COL23A1: variants seen among roughly 807,000 people sequenced by gnomAD.
COL23A1 encodes the protein collagen type XXIII alpha 1 chain.
In COL23A1, 97 loss-of-function variants were observed where a neutral mutation model predicts 99.3. The observed-to-expected ratio is 0.98, with a 90% CI of 0.83 to 1.16. The LOEUF (loss-of-function observed/expected upper bound fraction) is 1.16. Ranked by LOEUF, COL23A1 falls within the 50% of genes most tolerant of loss-of-function variation. The pLI is 0.00. For synonymous variants in COL23A1, 320 were observed against 308.2 expected (o/e 1.04, Z -0.40); for missense variants, 762 against 757.4 (o/e 1.01, Z -0.07).
In COL23A1 at chr5:178,415,623, C is replaced by T. The variant is rs1480370184; in HGVS notation, c.362-108704G>A. 2.6e-5 allele frequency among the ~76,000 whole-genome samples: 4 copies of T among 152,182 alleles called. No homozygotes were observed. Among genetic ancestry groups the T allele is most frequent in the African/African-American group, 7.2e-5 (3 of 41,444 alleles). ...CCAGAGGACAGTGCTGCCCCCATCCCGCCCTGGCTCCATGAGGGCAAGGGG... is the reference window on the plus strand; with the variant it reads ...CCAGAGGACAGTGCTGCCCCCATCCTGCCCTGGCTCCATGAGGGCAAGGGG... On this transcript the variant is annotated intron_variant, in intron 2 of 28. Transcript: ENST00000390654. The surrounding 1 kb of genome is among the most constrained non-coding windows in gnomAD (Gnocchi z 4.6).
At chr5:178,409,949 T>C (rs1027519335) in intron 2 of COL23A1, among the ~76,000 whole-genome samples, 1 of 152,142 alleles carries the variant, frequency 6.6e-6, no homozygotes, top group South Asian at 2.1e-4. Context: ...TTACATTAGA[T>C]TGAGGAGCGC....
At chr5:178,411,716 G>T (rs1765065338) in intron 2 of COL23A1, among the ~76,000 whole-genome samples, 1 of 152,192 alleles carries the variant, frequency 6.6e-6, no homozygotes, top group Admixed American at 6.5e-5. Context: ...AAAGGTGGTG[G>T]TTGCACAACG....
At chr5:178,319,891 C>CCTAT (rs1458011890) in intron 2 of COL23A1, among the ~76,000 whole-genome samples, 3 of 152,176 alleles carry the variant, frequency 2.0e-5, no homozygotes, top group African/African-American at 7.2e-5. Context: ...CCTCCCCCGC[C>CCTAT]CTATCTGCCC....
In COL23A1 at chr5:178,250,058, G is replaced by A; in HGVS notation, c.1059+3C>T. The A allele has an allele frequency of 6.2e-7, 1 of 1,614,148 alleles. No individual in the cohort carries two copies. Among genetic ancestry groups the A allele is most frequent in the African/African-American group, 1.3e-5 (1 of 75,046 alleles). ...TCACCAAGGAAATGAAAGGCCCAGA[G>A]ACCTTCTCTCCATCGATTCCTGGGG... On this transcript the variant is annotated splice_donor_region_variant and intron_variant, in intron 18 of 28. Transcript: ENST00000390654.
At chr5:178,566,992 T>G (rs1391439030) in intron 1 of COL23A1, among the ~76,000 whole-genome samples, 1 of 152,070 alleles carries the variant, frequency 6.6e-6, no homozygotes, top group Non-Finnish European at 1.5e-5. Flanking sequence ...AAATTATGAG[T>G]AATGAGAGCC....
rs368579617 is a variant in COL23A1, at chr5:178,288,538, G to C, written c.415-188C>G. On this transcript the variant is annotated intron_variant, in intron 4 of 28. Transcript: ENST00000390654. The stretch of plus-strand genomic sequence containing the variant: ...GAGCAGCCCTTTCCTGCCTCAGAGG[G>C]CCAGGCTGGAGGGACCAAGAGCCTC... The C allele has an allele frequency of 4.5e-6, 3 of 659,472 alleles. No individual in the cohort carries two copies. In the South Asian group the frequency reaches 5.3e-5, roughly 12 times the overall value. 40.9% of individuals were successfully genotyped at this position (659,472 alleles called of 1,614,324 possible).
intron 1 of COL23A1, among the ~76,000 whole-genome samples, chr5:178,561,136 A>C (rs1418276871): frequency 6.6e-6 from 1 of 152,230 alleles, no homozygotes; most frequent in Non-Finnish European, 1.5e-5. Flanking sequence ...TTAATGCTCC[A>C]GGCGGCTTTC....
intron 2 of COL23A1, among the ~76,000 whole-genome samples, chr5:178,358,589 G>A (rs1225894729): frequency 4.7e-5 from 7 of 149,252 alleles, no homozygotes; most frequent in South Asian, 2.2e-4. Flanking sequence ...GTGTATGTGT[G>A]TGTATGTGTA....
intron 2 of COL23A1, among the ~76,000 whole-genome samples, chr5:178,446,314 AT>A (rs1174802796): frequency 6.6e-6 from 1 of 152,062 alleles, no homozygotes; most frequent in African/African-American, 2.4e-5. Context: ...TACATGAAAA[AT>A]AATGTTATTC....
chr5:178,337,264 G>A (rs971795372), intron 2 of COL23A1, among the ~76,000 whole-genome samples: 1 of 152,258 alleles, frequency 6.6e-6, no homozygotes, highest in Non-Finnish European at 1.5e-5. Context: ...AGGGCGAGGA[G>A]AGCATGCGTG....
chr5:178,559,646 G>A (rs1189269724), intron 2 of COL23A1, among the ~76,000 whole-genome samples: 7 of 134,994 alleles, frequency 5.2e-5, no homozygotes, highest in East Asian at 4.3e-4. Context: ...TTCCCTGCAC[G>A]TCGAGAAGTC....
chr5:178,347,879 C>CCA (rs1561883998), intron 2 of COL23A1, among the ~76,000 whole-genome samples: 14 of 44,550 alleles, frequency 3.1e-4, no homozygotes, highest in Admixed American at 5.2e-4. Context: ...GACTCTGTCT[C>CCA]AAAAAAAAAA....
chr5:178,373,640 T>C (rs1762917152), intron 2 of COL23A1, among the ~76,000 whole-genome samples: 1 of 152,184 alleles, frequency 6.6e-6, no homozygotes, highest in Non-Finnish European at 1.5e-5. Context: ...GGTCACAAAC[T>C]CCTGACCTCA....
intron 2 of COL23A1, among the ~76,000 whole-genome samples, chr5:178,403,195 C>G (rs188356878): frequency 2.0e-5 from 3 of 151,654 alleles, no homozygotes; most frequent in African/African-American, 7.3e-5. Context: ...TGTTACTGCA[C>G]GCCAGATGTG....
intron 2 of COL23A1, chr5:178,378,224 A>G (rs538865728): frequency 6.6e-6 from 1 of 152,314 alleles, no homozygotes; most frequent in Non-Finnish European, 1.5e-5. Context: ...CATCTTTTAA[A>G]AAGTAAAAAG....
At chr5:178,354,344 G>A (rs1001722409) in intron 2 of COL23A1, among the ~76,000 whole-genome samples, 3 of 152,060 alleles carry the variant, frequency 2.0e-5, no homozygotes, top group Admixed American at 6.6e-5. Context: ...AAATAGCTGC[G>A]ACTACAGGCA....
chr5:178,295,255 C>T (rs1410230395), intron 3 of COL23A1, among the ~76,000 whole-genome samples: 1 of 152,170 alleles, frequency 6.6e-6, no homozygotes, highest in Non-Finnish European at 1.5e-5. Flanking sequence ...GACATACAAA[C>T]ATTCCTACAA....
intron 1 of COL23A1, among the ~76,000 whole-genome samples, chr5:178,567,905 C>T (rs493255): frequency 0.25 from 38,785 of 152,172 alleles, 5,083 homozygotes; most frequent in East Asian, 0.31. Context: ...GTAAATACTT[C>T]CCTCTTCCCG....
rs535000733 is a variant in COL23A1, at chr5:178,468,019, G to A, written c.361+92663C>T. Among the ~76,000 whole-genome samples, 3 of 152,210 alleles carry A rather than the reference G, an allele frequency of 2.0e-5. No individual in the cohort carries two copies. The highest frequency in any genetic ancestry group is 6.5e-5 in the Admixed American group (1 of 15,290). On this transcript the variant is annotated intron_variant, in intron 2 of 28. Coordinates refer to ENST00000390654, the MANE Select transcript of COL23A1 (RefSeq NM_173465.4). This position sits in a 1 kb window ranked among gnomAD's most constrained non-coding sequence, Gnocchi z 4.2. ...GGAAGGCGGCGATGCTCTCTGGAGC[G>A]GACAGGCGTATTTAATATCCCACCC...
Sources: gnomAD v4.1 joint callset for allele counts (sites outside exome capture counted in the v4.1 genomes callset) on GRCh38, gnomAD v4.1.1 for gene constraint, Gnocchi (gnomAD v3.1) non-coding constraint, MANE v1.5 for transcripts, NCBI Gene and HGNC (gene_info 2026-07-23, HGNC 2026-07-21) for gene names.